SLC25A17: variants seen among roughly 807,000 people sequenced by gnomAD.
The protein encoded by SLC25A17 is solute carrier family 25 member 17.
Under a neutral mutation model 38.5 loss-of-function variants are expected in SLC25A17, and 26 were observed. The ratio of observed to expected loss-of-function variants is 0.68; its 90% CI spans 0.50 to 0.94. The LOEUF is 0.94. Among genes scored for constraint, SLC25A17 ranks in the 40% least tolerant of loss-of-function variants. The pLI, the probability that SLC25A17 is intolerant of heterozygous loss-of-function variation, is 0.00. For synonymous variants in SLC25A17, 139 were observed against 136.2 expected, an observed-to-expected ratio of 1.02 and a Z score of -0.14; for missense variants, 333 against 372.7, an observed-to-expected ratio of 0.89 and a Z score of 0.88.
chr22:40,774,102 G>A (rs147366860), intron 7 of SLC25A17, 83 bp from the exon 8 acceptor site: 1 of 801,274 alleles, frequency 1.2e-6, no homozygotes, highest in South Asian at 1.4e-5. Context: ...TATTATGTTG[G>A]AGTAGTATCT....
chr22:40,778,750 G>A (rs1010178905), intron 5 of SLC25A17, among the ~76,000 whole-genome samples: 1 of 152,084 alleles, frequency 6.6e-6, no homozygotes, highest in South Asian at 2.1e-4. Flanking sequence ...CTAAAGAGCT[G>A]TTGCACAGCA....
At chr22:40,803,702 T>C (rs2057503648) in intron 1 of SLC25A17, among the ~76,000 whole-genome samples, 1 of 152,222 alleles carries the variant, frequency 6.6e-6, no homozygotes, top group Non-Finnish European at 1.5e-5. Flanking sequence ...AGTTCTATTT[T>C]TAATTTTTTG....
At chr22:40,796,967 A>T (rs2057436675) in intron 2 of SLC25A17, among the ~76,000 whole-genome samples, 1 of 152,226 alleles carries the variant, frequency 6.6e-6, no homozygotes, top group Admixed American at 6.5e-5. Flanking sequence ...CATGTAAAGT[A>T]TGCTTTTTGT....
chr22:40,805,152 C>T (rs575148279), intron 1 of SLC25A17, among the ~76,000 whole-genome samples: 5 of 152,138 alleles, frequency 3.3e-5, no homozygotes, highest in South Asian at 4.2e-4. Context: ...CTAGCTAAAA[C>T]GGTGAAATCC....
intron 1 of SLC25A17, among the ~76,000 whole-genome samples, chr22:40,811,942 T>C (rs934540652): frequency 2.6e-5 from 4 of 151,736 alleles, no homozygotes; most frequent in African/African-American, 9.7e-5. Context: ...ATAAACGATT[T>C]TTAGCCTAAG....
intron 8 of SLC25A17, among the ~76,000 whole-genome samples, chr22:40,772,797 G>A (rs929736298): frequency 6.6e-6 from 1 of 151,684 alleles, no homozygotes; most frequent in Non-Finnish European, 1.5e-5. Flanking sequence ...CCACATGCTT[G>A]GCTAATTTTG....
intron 1 of SLC25A17, among the ~76,000 whole-genome samples, chr22:40,816,097 G>C (rs1410252560): frequency 6.6e-6 from 1 of 151,916 alleles, no homozygotes; most frequent in Non-Finnish European, 1.5e-5. Context: ...GCTGAGGCAG[G>C]AGAATCGCTT....
intron 2 of SLC25A17, among the ~76,000 whole-genome samples, chr22:40,796,923 T>A (rs371577971): frequency 3.9e-5 from 6 of 152,130 alleles, no homozygotes; most frequent in Non-Finnish European, 8.8e-5. Context: ...ATCTAAAACA[T>A]ACTGTTAAGT....
chr22:40,772,301 C>CTTTTA (rs977980282), intron 8 of SLC25A17, among the ~76,000 whole-genome samples: 1 of 152,046 alleles, frequency 6.6e-6, no homozygotes, highest in Non-Finnish European at 1.5e-5. Flanking sequence ...TATTCTTTGT[C>CTTTTA]TTTTATTTTA....
chr22:40,817,210 G>A (rs2095063429), intron 1 of SLC25A17: 1 of 152,090 alleles, frequency 6.6e-6, no homozygotes, highest in Admixed American at 6.6e-5. Context: ...CACCTTACTT[G>A]ACCCATCAGC....
At chr22:40,790,187 A>C (rs1054172759) in intron 4 of SLC25A17, among the ~76,000 whole-genome samples, 9 of 151,678 alleles carry the variant, frequency 5.9e-5, no homozygotes, top group African/African-American at 2.2e-4. Context: ...TAAAAATATA[A>C]AAAATTAGCT....
chr22:40,803,861 A>T (rs919345878), intron 1 of SLC25A17, among the ~76,000 whole-genome samples: 7 of 149,134 alleles, frequency 4.7e-5, no homozygotes, highest in Non-Finnish European at 8.9e-5. Flanking sequence ...AAAGTGGCTC[A>T]CCGTATGCTA....
At chr22:40,819,152 C>A in intron 1 of SLC25A17, 43 bp downstream of exon 1, 3 of 1,609,146 alleles carry the variant, frequency 1.9e-6, no homozygotes, top group Non-Finnish European at 2.5e-6. Context: ...CCCCGAGAAG[C>A]CTTATAACCC....
intron 7 of SLC25A17, among the ~76,000 whole-genome samples, chr22:40,775,511 C>T (rs1227797353): frequency 3.7e-5 from 5 of 134,030 alleles, no homozygotes; most frequent in South Asian, 2.5e-4. Flanking sequence ...GGCCGGACTG[C>T]GGACTGCAGT....
intron 4 of SLC25A17, among the ~76,000 whole-genome samples, chr22:40,784,008 G>A (rs935798666): frequency 6.6e-6 from 1 of 151,844 alleles, no homozygotes; most frequent in East Asian, 1.9e-4. Flanking sequence ...CCCGGCCAAT[G>A]GTACCTCTTT....
chr22:40,796,712 C>A (rs1469814772), intron 2 of SLC25A17, among the ~76,000 whole-genome samples: 2 of 151,874 alleles, frequency 1.3e-5, no homozygotes. Context: ...GGAATTTATC[C>A]CATAGAATTC....
intron 1 of SLC25A17, among the ~76,000 whole-genome samples, chr22:40,804,731 G>A (rs1035937224): frequency 1.3e-5 from 2 of 152,154 alleles, no homozygotes; most frequent in Non-Finnish European, 2.9e-5. Context: ...TATTGAGTGT[G>A]TGAGAAAAGG....
chr22:40,781,609 T>C (rs1431089336), intron 4 of SLC25A17, among the ~76,000 whole-genome samples: 4 of 152,136 alleles, frequency 2.6e-5, no homozygotes, highest in East Asian at 3.9e-4. Context: ...AAATAACAGA[T>C]TATAAAGTCC....
intron 4 of SLC25A17, among the ~76,000 whole-genome samples, chr22:40,788,131 C>G (rs1467590667): frequency 6.6e-6 from 1 of 152,176 alleles, no homozygotes; most frequent in African/African-American, 2.4e-5. Context: ...TGGTATTTTA[C>G]CATGAAAATT....
Sources: gnomAD v4.1 joint callset for allele counts (sites outside exome capture counted in the v4.1 genomes callset) on GRCh38, gnomAD v4.1.1 for gene constraint, MANE v1.5 for transcripts, NCBI Gene and HGNC (gene_info 2026-07-23, HGNC 2026-07-21) for gene names.